Variants in PSRC1 observed in about 807,000 individuals in gnomAD.
The protein encoded by PSRC1 is proline and serine rich coiled-coil 1.
Under a neutral mutation model 31.9 loss-of-function variants are expected in PSRC1, and 30 were observed. That is an observed-to-expected ratio of 0.94 (90% CI 0.70 to 1.28). PSRC1 has a LOEUF of 1.28. Ranked by LOEUF, PSRC1 falls within the 50% of genes most tolerant of loss-of-function variation. PSRC1 has a pLI of 0.00. For missense variants in PSRC1, 481 were observed against 472.8 expected (o/e 1.02, Z -0.16); for synonymous variants, 191 against 192.1 (o/e 0.99, Z 0.05).
exon 4 of PSRC1, chr1:109,281,862 G>A (rs1657193486): frequency 1.2e-6 from 2 of 1,613,458 alleles, no homozygotes; most frequent in African/African-American, 1.3e-5. Context: ...GATCCTGCAG[G>A]GCACACTGCT....
chr1:109,280,070 G>C (rs749873873), exon 7 of PSRC1: 1 of 1,592,646 alleles, frequency 6.3e-7, no homozygotes. Flanking sequence ...ATCTGCTGGA[G>C]TCAGGGTCTG....
At chr1:109,280,876 G>T (rs1206009674) in exon 5 of PSRC1, 2 of 1,614,042 alleles carry the variant, frequency 1.2e-6, no homozygotes, top group Non-Finnish European at 1.7e-6. Context: ...CCTCTGCCAG[G>T]TGGCACACTC....
At chr1:109,282,613 C>T in intron 2 of PSRC1, 38 bp from the exon 3 acceptor site, 2 of 1,610,326 alleles carry the variant, frequency 1.2e-6, no homozygotes, top group Non-Finnish European at 1.7e-6. Context: ...GTCATGGGTC[C>T]CTGATGCAGC....
At chr1:109,281,867 A>G (rs1657194884) in exon 4 of PSRC1, 1 of 1,613,302 alleles carries the variant, frequency 6.2e-7, no homozygotes, top group East Asian at 2.2e-5. Context: ...TGCAGGGCAC[A>G]CTGCTCCAGC....
At chr1:109,282,616 G>A (rs759007690) in intron 2 of PSRC1, 41 bp from the exon 3 acceptor site, 1 of 1,610,070 alleles carries the variant, frequency 6.2e-7, no homozygotes, top group South Asian at 1.1e-5. Flanking sequence ...ATGGGTCCCT[G>A]ATGCAGCTCT....
chr1:109,281,276 A>C (rs1482483070), intron 4 of PSRC1, 25 bp from the exon 5 acceptor site: 1 of 1,527,692 alleles, frequency 6.5e-7, no homozygotes. Flanking sequence ...GAGAGAGAAA[A>C]AAGACTAGAG....
exon 4 of PSRC1, chr1:109,281,709 G>T: frequency 6.2e-7 from 1 of 1,613,992 alleles, no homozygotes; most frequent in Non-Finnish European, 8.5e-7. Flanking sequence ...GAGGCGTCAG[G>T]CTGCTTGGGG....
chr1:109,281,921 T>C, exon 4 of PSRC1: 1 of 1,604,844 alleles, frequency 6.2e-7, no homozygotes, highest in Non-Finnish European at 8.5e-7. Context: ...TCCTCCAGCT[T>C]CTCTGGACTG....
At chr1:109,282,632 G>T in intron 2 of PSRC1, 48 bp downstream of exon 2, 2 of 1,602,512 alleles carry the variant, frequency 1.2e-6, no homozygotes, top group South Asian at 1.1e-5. Flanking sequence ...GCTCTCCATC[G>T]CTGGGTCTCA....
chr1:109,281,427 TGAG>T (rs1657096640), intron 4 of PSRC1, 176 bp from the exon 5 acceptor site: 2 of 748,500 alleles, frequency 2.7e-6, no homozygotes, highest in Non-Finnish European at 2.1e-6. Flanking sequence ...TACCATTTAT[TGAG>T]TTTATCATAG....
chr1:109,282,941 A>C (rs1657433400), intron 1 of PSRC1, 122 bp downstream of exon 1: 1 of 600,034 alleles, frequency 1.7e-6, no homozygotes, highest in South Asian at 2.0e-5. Flanking sequence ...GCCGCCCTGC[A>C]TCCTGGCCTC....
chr1:109,282,269 TGATGCCAGGATGGA>T (rs1242658541), intron 3 of PSRC1: 198 of 614,934 alleles, frequency 3.2e-4, no homozygotes, highest in Middle Eastern at 8.1e-4. Context: ...ACATCAGAAA[TGATGCCAGGATGGA>T]GATGCAGCAA....
At chr1:109,280,820 T>A in exon 5 of PSRC1, 1 of 1,606,094 alleles carries the variant, frequency 6.2e-7, no homozygotes, top group East Asian at 2.2e-5. Context: ...CAGTGCTTGG[T>A]CTTGGAAGCC....
chr1:109,281,284 G>A (rs767482482), intron 4 of PSRC1, 33 bp from the exon 5 acceptor site: 1 of 1,493,794 alleles, frequency 6.7e-7, no homozygotes, highest in Admixed American at 2.2e-5. Flanking sequence ...AAAAAGACTA[G>A]AGTGGAAAAA....
chr1:109,280,941 A>C, exon 5 of PSRC1: 1 of 1,611,172 alleles, frequency 6.2e-7, no homozygotes, highest in Admixed American at 1.7e-5. Context: ...GGGAATGGGC[A>C]GTTGACTGGA....
chr1:109,281,254 G>C lies in PSRC1; in HGVS notation c.520-3C>G. 1 of 1,578,738 alleles carries C rather than the reference G, an allele frequency of 6.3e-7. No individual in the cohort carries two copies. The highest frequency in any genetic ancestry group is 8.6e-7 in the Non-Finnish European group (1 of 1,160,330). The stretch of plus-strand genomic sequence containing the variant: ...AACAGATTGCAAGTGGGTGACTCCT[G>C]AAACACAAAGAGAGAGAGAAAAAAG... On this transcript the variant is annotated splice_polypyrimidine_tract_variant and splice_region_variant and intron_variant, in intron 4 of 6. Transcript: ENST00000409138.
intron 5 of PSRC1, 34 bp downstream of exon 6, chr1:109,280,743 G>T: frequency 6.6e-7 from 1 of 1,508,622 alleles, no homozygotes; most frequent in Non-Finnish European, 9.0e-7. Flanking sequence ...GACACGCTGG[G>T]CAAGGGCGGG....
chr1:109,280,352 G>GGTCT, intron 6 of PSRC1, 44 bp downstream of exon 7: 1 of 1,517,760 alleles, frequency 6.6e-7, no homozygotes, highest in South Asian at 1.2e-5. Context: ...CCCAGATGAT[G>GGTCT]GCGGGGTAGG....
rs574392505 is a variant in PSRC1 at position 109,282,942 on chromosome 1, T to A, written c.-34+132A>T. 5.0e-6 allele frequency: 3 copies of A among 597,218 alleles called. No homozygotes were observed. In the African/African-American group the frequency reaches 5.6e-5, roughly 11 times the overall value. 37.0% of individuals were successfully genotyped at this position (597,218 alleles called of 1,614,324 possible). A position where few individuals can be genotyped will look rare whatever the true frequency, so the allele number is the denominator to read the frequency against. On this transcript the variant is annotated intron_variant, in intron 1 of 6. Transcript: ENST00000409138. ...CAGATTGCCCTGGAGCCGCCCTGCA[T>A]CCTGGCCTCTCCTCACTGGGGGCGG...
Sources: allele counts gnomAD v4.1 joint callset, GRCh38; gene constraint gnomAD v4.1.1; transcripts MANE v1.5; gene names NCBI Gene and HGNC (gene_info 2026-07-23, HGNC 2026-07-21).